RFX2: variants seen among roughly 807,000 people sequenced by gnomAD.
RFX2 encodes the protein regulatory factor X2.
RFX2 carries 20 observed loss-of-function variants against 87.8 expected under a neutral mutation model. The ratio of observed to expected loss-of-function variants is 0.23; its 90% CI spans 0.16 to 0.33. The LOEUF (loss-of-function observed/expected upper bound fraction) is 0.33, where lower values mean the gene tolerates loss of function less well. Among genes scored for constraint, RFX2 ranks in the 10% least tolerant of loss-of-function variants. RFX2 has a pLI of 1.00. For missense variants in RFX2, 767 were observed against 1,012.3 expected (o/e 0.76, Z 3.29); for synonymous variants, 397 against 431.3 (o/e 0.92, Z 0.98).
rs1305920366 is a variant in RFX2 at position 6,063,494 on chromosome 19, C to A, written c.-8-15990G>T. Among the ~76,000 whole-genome samples, 1 of 152,196 alleles carries A rather than the reference C, an allele frequency of 6.6e-6. No individual in the cohort carries two copies. Among genetic ancestry groups the A allele is most frequent in the Non-Finnish European group, 1.5e-5 (1 of 68,028 alleles). On this transcript the variant is annotated intron_variant, in intron 1 of 17. Transcript: ENST00000303657. This position sits in a 1 kb window ranked among gnomAD's most constrained non-coding sequence, Gnocchi z 4.0. ...ATGCACCTGCCAGGGTGGGGATGGACAAGACCCCTCCAGCAGGGCCAGGCA... is the reference window on the plus strand; with the variant it reads ...ATGCACCTGCCAGGGTGGGGATGGAAAAGACCCCTCCAGCAGGGCCAGGCA...
In RFX2 at chr19:6,047,500, C is replaced by T. The variant is rs1049834662; in HGVS notation, c.-4G>A. The T allele has an allele frequency of 5.0e-6, 8 of 1,606,488 alleles. No homozygotes were observed. Among genetic ancestry groups the T allele is most frequent in the Middle Eastern group, 1.6e-4 (1 of 6,072 alleles). Reference sequence around the variant, plus strand: ...CTCCACCCTCGGAATTCTGCATGCTCAGGTCTAAAGAAAGGCGGAGAGAGA... The same window carrying T: ...CTCCACCCTCGGAATTCTGCATGCTTAGGTCTAAAGAAAGGCGGAGAGAGA... On this transcript the variant is annotated 5_prime_UTR_variant, in exon 2 of 18. Transcript: ENST00000303657. The surrounding 1 kb of genome is among the most constrained non-coding windows in gnomAD (Gnocchi z 4.2).
rs1599860025 is a variant in RFX2, at chr19:6,021,918, C to A, written c.597+4245G>T. The stretch of plus-strand genomic sequence containing the variant: ...CTGGCTAGGAGGTGGCCGAAAGAAT[C>A]CACAGGGACAGTGGCGGCTCGGGAA... On this transcript the variant is annotated intron_variant, in intron 6 of 17. Transcript: ENST00000303657. The surrounding 1 kb of genome is among the most constrained non-coding windows in gnomAD (Gnocchi z 5.7). 6.6e-6 allele frequency among the ~76,000 whole-genome samples: 1 copy of A among 152,132 alleles called. No homozygotes were observed. The highest frequency in any genetic ancestry group is 1.5e-5 in the Non-Finnish European group (1 of 68,018).
intron 1 of RFX2, among the ~76,000 whole-genome samples, chr19:6,094,068 G>C (rs553894557): frequency 1.8e-4 from 27 of 152,164 alleles, no homozygotes; most frequent in African/African-American, 5.8e-4. Context: ...TACACATTAA[G>C]AGCCTGAATT....
intron 5 of RFX2, among the ~76,000 whole-genome samples, chr19:6,029,652 G>A (rs2086931995): frequency 6.6e-6 from 1 of 152,162 alleles, no homozygotes; most frequent in Non-Finnish European, 1.5e-5. Flanking sequence ...GGTTTGTAGT[G>A]AACTGAGATC....
chr19:5,997,597 G>A lies in RFX2; in HGVS notation c.1860-384C>T, dbSNP rs1243475795. Among the ~76,000 whole-genome samples, 2 of 152,204 alleles carry A rather than the reference G, an allele frequency of 1.3e-5. No homozygotes were observed. The highest frequency in any genetic ancestry group is 2.9e-5 in the Non-Finnish European group (2 of 68,036). On this transcript the variant is annotated intron_variant, in intron 15 of 17. Transcript: ENST00000303657. The surrounding 1 kb of genome is among the most constrained non-coding windows in gnomAD (Gnocchi z 4.2). ...CTCCGAATCAGAGCACAGGCTGGCAGCTGGTGCCTGTCTCCCCAGCAGGAG... is the reference window on the plus strand; with the variant it reads ...CTCCGAATCAGAGCACAGGCTGGCAACTGGTGCCTGTCTCCCCAGCAGGAG...
At position 6,042,073 on chromosome 19, in the gene RFX2, C is replaced by T; in HGVS notation, c.231G>A (p.Gly77=). The T allele has an allele frequency of 6.2e-7, 1 of 1,614,040 alleles. No homozygotes were observed. The highest frequency in any genetic ancestry group is 8.5e-7 in the Non-Finnish European group (1 of 1,179,996). ...CTCCATTGGTGTAGACGGCGTCTCC[C>T]CCTTCCACGTACTGCACCTGGGCAG... is the stretch of plus-strand genomic sequence containing the variant. ...VYPAQVQYVE[G]GDAVYTNGAI... Residue 77 remains glycine (G), a synonymous_variant, in exon 4 of 18, where the codon GGG becomes GGA. Coordinates refer to ENST00000303657, the MANE Select transcript of RFX2 (RefSeq NM_000635.4).
chr19:6,078,923 A>G (rs758503088), intron 1 of RFX2, among the ~76,000 whole-genome samples: 1 of 152,184 alleles, frequency 6.6e-6, no homozygotes, highest in Admixed American at 6.5e-5. Context: ...TTACAGGCAC[A>G]TGCCACCATG....
At chr19:6,106,230 C>G (rs1020540347) in intron 1 of RFX2, among the ~76,000 whole-genome samples, 1 of 149,960 alleles carries the variant, frequency 6.7e-6, no homozygotes, top group African/African-American at 2.5e-5. Context: ...CATCGGCCTG[C>G]CCATCCATCC....
intron 1 of RFX2, among the ~76,000 whole-genome samples, chr19:6,072,436 C>T (rs1169423241): frequency 6.6e-6 from 1 of 152,212 alleles, no homozygotes; most frequent in Non-Finnish European, 1.5e-5. Context: ...GGAGCAGTGG[C>T]TCATGTCTGT....
At chr19:6,041,800 T>A (rs773199271) in intron 4 of RFX2, among the ~76,000 whole-genome samples, 5 of 152,016 alleles carry the variant, frequency 3.3e-5, no homozygotes, top group African/African-American at 9.7e-5. Context: ...CCTGGGCTCA[T>A]GCGATCCTCC....
intron 5 of RFX2, among the ~76,000 whole-genome samples, chr19:6,037,075 G>A (rs2087035231): frequency 6.6e-6 from 1 of 152,040 alleles, no homozygotes; most frequent in South Asian, 2.1e-4. Context: ...ACGAGGTCAG[G>A]AGATGGAGAC....
chr19:6,087,125 T>C (rs476988), intron 1 of RFX2, among the ~76,000 whole-genome samples: 6,327 of 152,002 alleles, frequency 0.042, 440 homozygotes, highest in African/African-American at 0.14. Flanking sequence ...ACTTCCTGGG[T>C]GGGGACTGAG....
chr19:6,047,298 A>G lies in RFX2; in HGVS notation c.90+109T>C, dbSNP rs1451050782. 2.3e-6 allele frequency: 2 copies of G among 856,066 alleles called. No individual in the cohort carries two copies. The highest frequency in any genetic ancestry group is 3.5e-6 in the Non-Finnish European group (2 of 565,026). The allele number at this position is 856,066 out of a possible 1,614,324, so 53.0% of individuals were successfully genotyped here. ...CAGCAGCACTGGGACTGAGAAGTCC[A>G]TTCAGAAAAATACAGATTCCTCTCT... On this transcript the variant is annotated intron_variant, in intron 2 of 17. Coordinates refer to ENST00000303657, the MANE Select transcript of RFX2 (RefSeq NM_000635.4). The surrounding 1 kb of genome is among the most constrained non-coding windows in gnomAD (Gnocchi z 4.2).
chr19:6,007,232 C>T lies in RFX2; in HGVS notation c.1248-66G>A, dbSNP rs1041273897. 63 of 1,534,046 alleles carry T rather than the reference C, an allele frequency of 4.1e-5. No homozygotes were observed. Among genetic ancestry groups the T allele is most frequent in the Admixed American group, 1.1e-4 (6 of 56,432 alleles). ...AGGTGGGCTCACTCAGCCACGGGAG[C>T]GAGCAGAGAGCCGGGCTGCGGGACT... On this transcript the variant is annotated intron_variant, in intron 11 of 17. Coordinates refer to ENST00000303657, the MANE Select transcript of RFX2 (RefSeq NM_000635.4). The surrounding 1 kb of genome is among the most constrained non-coding windows in gnomAD (Gnocchi z 8.2).
rs1599839130 is a variant in RFX2, at chr19:6,002,409, G to A, written c.1650+312C>T. ...GGGCCGACACTTTGCCAAGCCCAGG[G>A]GACAGAGCCAGGAAAATGGCCACAG... On this transcript the variant is annotated intron_variant, in intron 14 of 17. Coordinates refer to ENST00000303657, the MANE Select transcript of RFX2 (RefSeq NM_000635.4). This position sits in a 1 kb window ranked among gnomAD's most constrained non-coding sequence, Gnocchi z 6.7. Among the ~76,000 whole-genome samples the A allele has an allele frequency of 6.6e-6, 1 of 152,376 alleles. No individual in the cohort carries two copies. The highest frequency in any genetic ancestry group is 1.5e-5 in the Non-Finnish European group (1 of 68,036).
At chr19:6,009,511 A>C (rs1183159960) in intron 9 of RFX2, among the ~76,000 whole-genome samples, 3 of 152,234 alleles carry the variant, frequency 2.0e-5, no homozygotes, top group African/African-American at 7.2e-5. Context: ...CCAGGCAAGA[A>C]GGAAGAAAGC....
At chr19:6,095,391 T>G (rs1162067647) in intron 1 of RFX2, among the ~76,000 whole-genome samples, 1 of 152,196 alleles carries the variant, frequency 6.6e-6, no homozygotes, top group Non-Finnish European at 1.5e-5. Flanking sequence ...GTCCCACAAA[T>G]ACAGTTAGAC....
At chr19:6,062,648 C>A (rs1172942742) in intron 1 of RFX2, among the ~76,000 whole-genome samples, 1 of 152,190 alleles carries the variant, frequency 6.6e-6, no homozygotes, top group Non-Finnish European at 1.5e-5. Context: ...TTAGAAGTTT[C>A]TAGAATTTAG....
At chr19:6,080,765 C>T (rs189322549) in intron 1 of RFX2, among the ~76,000 whole-genome samples, 5 of 152,274 alleles carry the variant, frequency 3.3e-5, no homozygotes, top group African/African-American at 9.6e-5. Context: ...TGTCGGGGCT[C>T]AGTGGCTTAT....
Sources: allele counts gnomAD v4.1 joint callset (sites outside exome capture counted in the v4.1 genomes callset), GRCh38; gene constraint gnomAD v4.1.1; non-coding constraint Gnocchi (gnomAD v3.1); transcripts MANE v1.5; gene names NCBI Gene and HGNC (gene_info 2026-07-23, HGNC 2026-07-21).